WWOX: variants seen among roughly 807,000 people sequenced by gnomAD.
The protein encoded by WWOX is WW domain containing oxidoreductase.
Under a neutral mutation model 46.2 loss-of-function variants are expected in WWOX, and 69 were observed. That is an observed-to-expected ratio of 1.49 (90% CI 1.23 to 1.82). WWOX has a LOEUF of 1.82. Among genes scored for constraint, WWOX ranks in the 40% most tolerant of loss-of-function variants. The pLI, the probability that WWOX is intolerant of heterozygous loss-of-function variation, is 0.00. For missense variants in WWOX, 919 were observed against 542.6 expected (o/e 1.69, Z -6.89); for synonymous variants, 359 against 202.6 (o/e 1.77, Z -6.56).
At chr16:78,775,312 C>T (rs1031476956) in intron 8 of WWOX, among the ~76,000 whole-genome samples, 2 of 152,096 alleles carry the variant, frequency 1.3e-5, no homozygotes, top group African/African-American at 4.8e-5. Flanking sequence ...CACAGCAATG[C>T]CTTTGAGAAT....
intron 8 of WWOX, among the ~76,000 whole-genome samples, chr16:78,636,275 G>A (rs967422759): frequency 2.6e-5 from 4 of 152,142 alleles, no homozygotes; most frequent in Non-Finnish European, 5.9e-5. Flanking sequence ...CAAACCTACT[G>A]TGTGTCAATT....
chr16:78,390,612 T>G (rs991838225), intron 6 of WWOX, among the ~76,000 whole-genome samples: 1 of 152,178 alleles, frequency 6.6e-6, no homozygotes, highest in Non-Finnish European at 1.5e-5. Context: ...ACTTTTGAAA[T>G]GCTGCCAAAG....
chr16:79,050,711 A>G (rs2048150526), intron 8 of WWOX, among the ~76,000 whole-genome samples: 1 of 152,176 alleles, frequency 6.6e-6, no homozygotes, highest in South Asian at 2.1e-4. Flanking sequence ...ATCTGGCGAA[A>G]TGAATGGGGC....
chr16:78,824,640 C>T (rs1209012933), intron 8 of WWOX, among the ~76,000 whole-genome samples: 1 of 152,098 alleles, frequency 6.6e-6, no homozygotes, highest in Non-Finnish European at 1.5e-5. Context: ...ACGGCAGCGG[C>T]AAGAGAAAAT....
intron 8 of WWOX, among the ~76,000 whole-genome samples, chr16:78,513,613 A>G (rs558149226): frequency 2.0e-5 from 3 of 152,338 alleles, no homozygotes; most frequent in East Asian, 1.9e-4. Flanking sequence ...CTGTCCTCCA[A>G]TACAAATTGC....
intron 8 of WWOX, among the ~76,000 whole-genome samples, chr16:78,774,349 C>T (rs950259840): frequency 1.3e-5 from 2 of 152,124 alleles, no homozygotes; most frequent in East Asian, 1.9e-4. Context: ...TTCAGTGAGC[C>T]GAGATCGCGC....
chr16:78,825,666 GC>G (rs1324394147), intron 8 of WWOX: 1 of 523,264 alleles, frequency 1.9e-6, no homozygotes, highest in Admixed American at 2.2e-5. Flanking sequence ...GAATAGGGGG[GC>G]CATAGGCTGC....
intron 5 of WWOX, among the ~76,000 whole-genome samples, chr16:78,276,004 T>C (rs2079570479): frequency 6.6e-6 from 1 of 152,216 alleles, no homozygotes; most frequent in Non-Finnish European, 1.5e-5. Context: ...CTGGGCTTCA[T>C]TCTGCTTTGC....
intron 8 of WWOX, among the ~76,000 whole-genome samples, chr16:78,806,647 C>T (rs1652637293): frequency 6.6e-6 from 1 of 152,022 alleles, no homozygotes; most frequent in South Asian, 2.1e-4. Context: ...GGGTGAGCGT[C>T]CCAAGAGAAA....
At chr16:78,582,446 T>G (rs1344728800) in intron 8 of WWOX, among the ~76,000 whole-genome samples, 1 of 152,220 alleles carries the variant, frequency 6.6e-6, no homozygotes, top group Non-Finnish European at 1.5e-5. Flanking sequence ...AAAAATTATA[T>G]TTTTTATATG....
intron 8 of WWOX, among the ~76,000 whole-genome samples, chr16:78,764,418 G>C (rs1004523894): frequency 8.6e-5 from 13 of 151,108 alleles, no homozygotes; most frequent in African/African-American, 3.2e-4. Context: ...CTTGTTGGAA[G>C]GGAAATTGGT....
chr16:78,294,974 A>G (rs936158988), intron 5 of WWOX, among the ~76,000 whole-genome samples: 5 of 152,202 alleles, frequency 3.3e-5, no homozygotes, highest in African/African-American at 1.2e-4. Flanking sequence ...GATTTCACAC[A>G]AAGGCTCTAA....
chr16:78,633,544 A>G (rs542255363), intron 8 of WWOX, among the ~76,000 whole-genome samples: 1 of 152,154 alleles, frequency 6.6e-6, no homozygotes, highest in African/African-American at 2.4e-5. Flanking sequence ...CTGGTTTCCA[A>G]CCTTTCACTG....
At chr16:78,298,441 G>A (rs1763959463) in intron 5 of WWOX, among the ~76,000 whole-genome samples, 2 of 152,134 alleles carry the variant, frequency 1.3e-5, no homozygotes, top group South Asian at 4.1e-4. Context: ...GTGTGATCCT[G>A]GGTAGTTTGC....
At chr16:79,040,729 C>T (rs572128872) in intron 8 of WWOX, among the ~76,000 whole-genome samples, 1 of 152,146 alleles carries the variant, frequency 6.6e-6, no homozygotes, top group East Asian at 1.9e-4. Flanking sequence ...ACTAGAACCA[C>T]AGAGATCCCC....
intron 8 of WWOX, among the ~76,000 whole-genome samples, chr16:78,867,491 T>TGTG (rs1555553516): frequency 7.1e-6 from 1 of 141,720 alleles, no homozygotes; most frequent in Non-Finnish European, 1.5e-5. Flanking sequence ...ATTTTGTGTG[T>TGTG]GTGTGTGTGT....
At chr16:78,519,499 A>C (rs531341081) in intron 8 of WWOX, among the ~76,000 whole-genome samples, 2 of 151,516 alleles carry the variant, frequency 1.3e-5, no homozygotes, top group Non-Finnish European at 1.5e-5. Flanking sequence ...AAATATATAT[A>C]TATATATTAC....
At chr16:78,895,416 A>G (rs1124356) in intron 8 of WWOX, 2 of 152,070 alleles carry the variant, frequency 1.3e-5, no homozygotes, top group African/African-American at 4.8e-5. Context: ...TGTGGGGTCA[A>G]AACATCATGC....
chr16:78,825,750 C>G, intron 8 of WWOX: 3 of 584,876 alleles, frequency 5.1e-6, no homozygotes, highest in African/African-American at 1.9e-5. Flanking sequence ...CTGATGATCC[C>G]CAGCGGAGAC....
Sources: allele counts gnomAD v4.1 joint callset (sites outside exome capture counted in the v4.1 genomes callset), GRCh38; gene constraint gnomAD v4.1.1; transcripts MANE v1.5; gene names NCBI Gene and HGNC (gene_info 2026-07-23, HGNC 2026-07-21).